BPIFB1: variants seen among roughly 807,000 people sequenced by gnomAD.
BPIFB1 encodes the protein BPI fold containing family B member 1.
A neutral mutation model predicts 55.1 loss-of-function variants in BPIFB1; 34 were observed. The ratio of observed to expected loss-of-function variants is 0.62; its 90% CI spans 0.47 to 0.82. The LOEUF is 0.82. Ranked by LOEUF, BPIFB1 falls within the 40% of genes least tolerant of loss-of-function variation. The probability of loss-of-function intolerance (pLI) is 0.00; values close to 1 mark genes in which losing one functional copy is unlikely to be tolerated. For synonymous variants in BPIFB1, 236 were observed against 245.3 expected (o/e 0.96, Z 0.35); for missense variants, 532 against 593.1 (o/e 0.90, Z 1.07).
intron 13 of BPIFB1, 91 bp downstream of exon 13, chr20:33,304,982 C>T: frequency 6.9e-7 from 1 of 1,448,868 alleles, no homozygotes. Flanking sequence ...TTGCTTCAAA[C>T]AAGGTCCCCA....
At chr20:33,292,748 C>T (rs1481452109) in intron 6 of BPIFB1, among the ~76,000 whole-genome samples, 2 of 152,172 alleles carry the variant, frequency 1.3e-5, no homozygotes, top group African/African-American at 4.8e-5. Context: ...TTAGTTGCCC[C>T]TATTTGTCAC....
At chr20:33,292,197 C>G (rs1214775094) in intron 6 of BPIFB1, among the ~76,000 whole-genome samples, 8 of 152,178 alleles carry the variant, frequency 5.3e-5, no homozygotes, top group African/African-American at 1.9e-4. Flanking sequence ...TAAAAGTCAG[C>G]CAGGAGCCCG....
chr20:33,292,634 C>T (rs551580045), intron 6 of BPIFB1, among the ~76,000 whole-genome samples: 24 of 152,324 alleles, frequency 1.6e-4, no homozygotes, highest in Admixed American at 3.3e-4. Context: ...GGCTCTAGCA[C>T]GGCACTGTCA....
intron 11 of BPIFB1, among the ~76,000 whole-genome samples, chr20:33,303,386 C>T (rs1016592265): frequency 6.6e-6 from 1 of 152,176 alleles, no homozygotes; most frequent in African/African-American, 2.4e-5. Context: ...AAACAATATC[C>T]TCTTCATTCT....
At chr20:33,293,756 G>A (rs1207693848) in intron 6 of BPIFB1, among the ~76,000 whole-genome samples, 5 of 152,152 alleles carry the variant, frequency 3.3e-5, no homozygotes, top group South Asian at 2.1e-4. Flanking sequence ...CAGAAGGATC[G>A]CTTGAGTCTA....
intron 12 of BPIFB1, among the ~76,000 whole-genome samples, chr20:33,304,634 G>A (rs1181388122): frequency 6.6e-6 from 1 of 152,152 alleles, no homozygotes; most frequent in Non-Finnish European, 1.5e-5. Context: ...TCTGCTCACT[G>A]GACTGCTATT....
At chr20:33,291,163 A>T (rs1980460390) in intron 5 of BPIFB1, 57 bp downstream of exon 5, 1 of 1,587,232 alleles carries the variant, frequency 6.3e-7, no homozygotes, top group Non-Finnish European at 8.5e-7. Context: ...AACGCCAGGC[A>T]GTGGACTTCC....
chr20:33,289,466 A>G (rs1018599418), intron 3 of BPIFB1, among the ~76,000 whole-genome samples: 3 of 152,002 alleles, frequency 2.0e-5, no homozygotes, highest in African/African-American at 7.2e-5. Flanking sequence ...GATGCTTCTC[A>G]CTGGAGGTGA....
At chr20:33,291,171 TC>T (rs1254373611) in intron 5 of BPIFB1, 65 bp downstream of exon 5, 9 of 1,575,036 alleles carry the variant, frequency 5.7e-6, no homozygotes, top group Non-Finnish European at 1.7e-6. Context: ...GCAGTGGACT[TC>T]CCCCATTTTA....
intron 8 of BPIFB1, among the ~76,000 whole-genome samples, chr20:33,300,351 C>T (rs1980806256): frequency 1.3e-5 from 2 of 152,180 alleles, no homozygotes. Flanking sequence ...GATTCCCTGG[C>T]TATGTGACTT....
chr20:33,307,232 C>A (rs902626816), intron 15 of BPIFB1: 10 of 498,580 alleles, frequency 2.0e-5, no homozygotes, highest in African/African-American at 1.0e-4. Context: ...TTCATTCATT[C>A]ATTCAGTAAT....
chr20:33,294,327 C>G (rs571363748), intron 6 of BPIFB1, among the ~76,000 whole-genome samples: 1 of 152,028 alleles, frequency 6.6e-6, no homozygotes, highest in Non-Finnish European at 1.5e-5. Flanking sequence ...GGGAGGGAAC[C>G]AATATAATGA....
chr20:33,300,451 C>T (rs1980809041), intron 8 of BPIFB1, among the ~76,000 whole-genome samples: 1 of 152,222 alleles, frequency 6.6e-6, no homozygotes, highest in South Asian at 2.1e-4. Context: ...TGAAATGAGA[C>T]CACACCATGC....
At chr20:33,308,378 G>T (rs952431333) in intron 15 of BPIFB1, among the ~76,000 whole-genome samples, 3 of 152,088 alleles carry the variant, frequency 2.0e-5, no homozygotes, top group Non-Finnish European at 4.4e-5. Context: ...TGAGGAAGGA[G>T]GCCCAGGATC....
chr20:33,285,543 C>A (rs956400845), intron 1 of BPIFB1, among the ~76,000 whole-genome samples: 11 of 150,970 alleles, frequency 7.3e-5, no homozygotes, highest in Non-Finnish European at 1.6e-4. Flanking sequence ...GAAACCCCGT[C>A]TCTACTAAAA....
intron 6 of BPIFB1, among the ~76,000 whole-genome samples, chr20:33,296,817 G>A (rs1980667844): frequency 6.6e-6 from 1 of 152,250 alleles, no homozygotes; most frequent in African/African-American, 2.4e-5. Flanking sequence ...CAAAGAGATT[G>A]CCCAGGAGTC....
intron 6 of BPIFB1, among the ~76,000 whole-genome samples, chr20:33,294,839 A>G (rs779207508): frequency 6.6e-6 from 1 of 152,210 alleles, no homozygotes. Context: ...ATTTGATATG[A>G]TGGTCATAGA....
rs761914869 is a variant in BPIFB1, at chr20:33,309,755, T to C, written c.1443T>C (p.Pro481=). 11 of 1,614,130 alleles carry C rather than the reference T, an allele frequency of 6.8e-6. No homozygotes were observed. Among genetic ancestry groups the C allele is most frequent in the Non-Finnish European group, 8.5e-6 (10 of 1,179,932 alleles). ...CCTCCTTGTGGAAACCCAGCTCTCC[T>C]GTCTCCCAGTGAAGACTTGGATGGC... ...TPASLWKPSS[P]VSQ Residue 481 remains proline, a synonymous_variant, in exon 16 of 16, where the codon CCT becomes CCC. Coordinates refer to ENST00000253354, the MANE Select transcript of BPIFB1 (RefSeq NM_033197.3). The surrounding 1 kb of genome is among the most constrained non-coding windows in gnomAD (Gnocchi z 4.4).
intron 12 of BPIFB1, 133 bp downstream of exon 12, chr20:33,304,158 G>A (rs187841162): frequency 4.2e-5 from 31 of 737,186 alleles, no homozygotes; most frequent in Middle Eastern, 2.4e-4. Context: ...AGGTCCTTCC[G>A]GATGCTCCTG....
Sources: gnomAD v4.1 joint callset for allele counts (sites outside exome capture counted in the v4.1 genomes callset) on GRCh38, gnomAD v4.1.1 for gene constraint, Gnocchi (gnomAD v3.1) non-coding constraint, MANE v1.5 for transcripts, NCBI Gene and HGNC (gene_info 2026-07-23, HGNC 2026-07-21) for gene names.